Variants in KCNQ3 observed in about 807,000 individuals in gnomAD.
KCNQ3 encodes potassium voltage-gated channel subfamily KQT member 3.
A neutral mutation model predicts 92.5 loss-of-function variants in KCNQ3; 30 were observed. The observed-to-expected ratio is 0.32, with a 90% confidence interval of 0.24 to 0.44. The LOEUF (loss-of-function observed/expected upper bound fraction) is 0.44. KCNQ3 is among the 20% of genes least tolerant of loss of function. The pLI is 1.00. For synonymous variants in KCNQ3, 450 were observed against 468.8 expected (o/e 0.96, Z 0.52); for missense variants, 913 against 1,140.3 (o/e 0.80, Z 2.87).
rs190321909 is a variant in KCNQ3, at chr8:132,449,475, A to C, written c.386+30672T>G. ...TCCAACCTCCCAGCAGGATGCTCCT[A>C]CTCTGCCTCTCATGGTTCTGATTTC... On this transcript the variant is annotated intron_variant, in intron 1 of 14. Coordinates refer to ENST00000388996, the MANE Select transcript of KCNQ3 (RefSeq NM_004519.4). Among the ~76,000 whole-genome samples, 26 of 151,448 alleles carry C rather than the reference A, an allele frequency of 1.7e-4. No individual in the cohort carries two copies. The East Asian group carries it at 4.7e-3, about 27-fold the overall frequency.
intron 5 of KCNQ3, among the ~76,000 whole-genome samples, chr8:132,175,139 TC>T: frequency 1.3e-5 from 2 of 152,368 alleles, no homozygotes; most frequent in South Asian, 2.1e-4. Context: ...TGTGTATCTG[TC>T]ACTGGGTTTG....
At chr8:132,441,582 A>AAAAC (rs56692449) in intron 1 of KCNQ3, among the ~76,000 whole-genome samples, 51,722 of 150,708 alleles carry the variant, frequency 0.34, 9,147 homozygotes, top group African/African-American at 0.4. Context: ...AAAACAAAAC[A>AAAAC]AAACAAACAA....
At chr8:132,186,297 T>C (rs1366040928) in intron 1 of KCNQ3, 116 bp from the exon 2 acceptor site, 12 of 739,184 alleles carry the variant, frequency 1.6e-5, no homozygotes, top group Non-Finnish European at 2.9e-5. Context: ...GACATTGACA[T>C]GTGCTTTATA....
intron 1 of KCNQ3, among the ~76,000 whole-genome samples, chr8:132,354,881 A>G (rs1361538050): frequency 2.0e-5 from 3 of 152,154 alleles, no homozygotes; most frequent in African/African-American, 7.2e-5. Flanking sequence ...AGTCCTCAGT[A>G]TACAGCCACT....
chr8:132,196,009 G>T (rs1415224013), intron 1 of KCNQ3, among the ~76,000 whole-genome samples: 1 of 152,140 alleles, frequency 6.6e-6, no homozygotes, highest in Non-Finnish European at 1.5e-5. Flanking sequence ...GCACCTAATA[G>T]ATCTCCAGAT....
intron 1 of KCNQ3, among the ~76,000 whole-genome samples, chr8:132,469,852 G>A (rs1554659989): frequency 6.6e-6 from 1 of 151,724 alleles, no homozygotes; most frequent in Non-Finnish European, 1.5e-5. Context: ...GCATTAAATT[G>A]AAGAAAATTT....
chr8:132,153,680 A>G (rs1436373285), intron 9 of KCNQ3, among the ~76,000 whole-genome samples: 1 of 152,126 alleles, frequency 6.6e-6, no homozygotes, highest in Non-Finnish European at 1.5e-5. Flanking sequence ...AAGGCTGTTG[A>G]CAGCAGGAGA....
intron 8 of KCNQ3, among the ~76,000 whole-genome samples, chr8:132,168,298 T>C (rs1176304663): frequency 6.6e-6 from 1 of 152,206 alleles, no homozygotes; most frequent in Non-Finnish European, 1.5e-5. Context: ...TTTGCTATCA[T>C]CTTCCTGAAA....
intron 1 of KCNQ3, among the ~76,000 whole-genome samples, chr8:132,367,534 T>C (rs968037631): frequency 1.3e-5 from 2 of 152,250 alleles, no homozygotes; most frequent in Non-Finnish European, 2.9e-5. Flanking sequence ...GTAATCTGCA[T>C]GACAAATTAA....
At chr8:132,256,162 A>T (rs1586870774) in intron 1 of KCNQ3, among the ~76,000 whole-genome samples, 1 of 152,184 alleles carries the variant, frequency 6.6e-6, no homozygotes, top group East Asian at 1.9e-4. Context: ...AATAGGTTAT[A>T]TTGACAAAGA....
rs142831795 is a variant in KCNQ3, at chr8:132,342,338, G to A, written c.386+137809C>T. ...TTTCTTTTTTCTTTTTTTTTAAGGC[G>A]CGTCATCCCCATTCTCATTACCCAA... On this transcript the variant is annotated intron_variant, in intron 1 of 14. Transcript: ENST00000388996. Among the ~76,000 whole-genome samples the A allele has an allele frequency of 6.4e-4, 96 of 149,216 alleles. 1 individual carries two copies. In the East Asian group the frequency reaches 6.7e-3, roughly 10 times the overall value.
At chr8:132,326,302 G>T (rs558593977) in intron 1 of KCNQ3, among the ~76,000 whole-genome samples, 1 of 152,246 alleles carries the variant, frequency 6.6e-6, no homozygotes, top group South Asian at 2.1e-4. Context: ...TCATCGGGCA[G>T]GGTTCCAAGG....
intron 1 of KCNQ3, among the ~76,000 whole-genome samples, chr8:132,335,801 G>T (rs1434553572): frequency 6.6e-6 from 1 of 152,276 alleles, no homozygotes; most frequent in South Asian, 2.1e-4. Flanking sequence ...TTGGGGAAAA[G>T]AATCTACTTC....
intron 1 of KCNQ3, among the ~76,000 whole-genome samples, chr8:132,426,823 C>T (rs1392469035): frequency 6.6e-6 from 1 of 152,184 alleles, no homozygotes; most frequent in African/African-American, 2.4e-5. Flanking sequence ...AGATAAATAA[C>T]CCTTGAGAGT....
At position 132,301,179 on chromosome 8, in the gene KCNQ3, C is replaced by T. The variant is rs79286495; in HGVS notation, c.387-114998G>A. On this transcript the variant is annotated intron_variant, in intron 1 of 14. Coordinates refer to ENST00000388996, the MANE Select transcript of KCNQ3 (RefSeq NM_004519.4). ...CACAGATTTCCTTCTCAAGAATCAG[C>T]GAATGTGCTCTATTTCTGATGCATA... is the stretch of plus-strand genomic sequence containing the variant. Among the ~76,000 whole-genome samples the T allele has an allele frequency of 5.3e-3, 802 of 152,236 alleles. 6 individuals carry two copies. The highest frequency in any genetic ancestry group is 0.018 in the African/African-American group (755 of 41,530).
At chr8:132,385,750 A>G (rs1819873681) in intron 1 of KCNQ3, among the ~76,000 whole-genome samples, 1 of 152,182 alleles carries the variant, frequency 6.6e-6, no homozygotes, top group African/African-American at 2.4e-5. Context: ...TATGGGTACA[A>G]AGTTACAGTT....
At chr8:132,367,499 A>G (rs1324276569) in intron 1 of KCNQ3, among the ~76,000 whole-genome samples, 2 of 152,272 alleles carry the variant, frequency 1.3e-5, no homozygotes, top group African/African-American at 4.8e-5. Flanking sequence ...AGAGTCTAGC[A>G]TAAAAGAATA....
intron 9 of KCNQ3, among the ~76,000 whole-genome samples, chr8:132,157,350 CAGA>C (rs1825830544): frequency 6.6e-6 from 1 of 152,184 alleles, no homozygotes; most frequent in South Asian, 2.1e-4. Context: ...TCAATACTTT[CAGA>C]AGAATTTGGA....
At chr8:132,253,978 T>C (rs1372868632) in intron 1 of KCNQ3, among the ~76,000 whole-genome samples, 1 of 152,188 alleles carries the variant, frequency 6.6e-6, no homozygotes, top group Admixed American at 6.5e-5. Flanking sequence ...AGAAAGCAGA[T>C]GGGAGCTATT....
Sources: gnomAD v4.1 joint callset for allele counts (sites outside exome capture counted in the v4.1 genomes callset) on GRCh38, gnomAD v4.1.1 for gene constraint, MANE v1.5 for transcripts, NCBI Gene and HGNC (gene_info 2026-07-23, HGNC 2026-07-21) for gene names.